MYLK: variants seen among roughly 807,000 people sequenced by gnomAD.
MYLK encodes the protein myosin light chain kinase.
A neutral mutation model predicts 203.4 loss-of-function variants in MYLK; 106 were observed. The observed-to-expected ratio is 0.52, with a 90% CI of 0.45 to 0.61. The LOEUF (loss-of-function observed/expected upper bound fraction) is 0.61, where lower values mean the gene tolerates loss of function less well. MYLK is among the 20% of genes least tolerant of loss of function. The probability of loss-of-function intolerance (pLI) is 0.00; values close to 1 mark genes in which losing one functional copy is unlikely to be tolerated. For synonymous variants in MYLK, 867 were observed against 959.5 expected (o/e 0.90, Z 1.78); for missense variants, 2,072 against 2,442.3 (o/e 0.85, Z 3.20).
chr3:123,753,877 G>A (rs755889), intron 4 of MYLK, among the ~76,000 whole-genome samples: 136,499 of 152,176 alleles, frequency 0.9, 62,950 homozygotes, highest in East Asian at 1. Context: ...TCACTTCAAG[G>A]AAAGAGAGAA....
chr3:123,767,820 G>C (rs2063754648), intron 4 of MYLK, among the ~76,000 whole-genome samples: 1 of 152,182 alleles, frequency 6.6e-6, no homozygotes, highest in Admixed American at 6.5e-5. Context: ...TCAGGGGAGT[G>C]GGCTGCTGAG....
At chr3:123,779,681 G>C (rs970943897) in intron 4 of MYLK, among the ~76,000 whole-genome samples, 41 of 152,246 alleles carry the variant, frequency 2.7e-4, no homozygotes, top group African/African-American at 9.2e-4. Flanking sequence ...AGAAGAACAA[G>C]TGAGTCTATT....
rs1337867262 is a variant in MYLK, at chr3:123,789,674, A to AG, written c.165+4002_165+4003insC. On this transcript the variant is annotated intron_variant, in intron 4 of 33. Coordinates refer to ENST00000360304, the MANE Select transcript of MYLK (RefSeq NM_053025.4). Reference sequence around the variant, plus strand: ...GCTGGCAAAGCAAAAAAAAAAAAAAAAAAAGAAGGAACGGAAGGGAAGAGA... The same window carrying AG: ...GCTGGCAAAGCAAAAAAAAAAAAAAAGAAAAGAAGGAACGGAAGGGAAGAGA... Among the ~76,000 whole-genome samples, 128 of 150,860 alleles carry AG rather than the reference A, an allele frequency of 8.5e-4. 2 individuals are homozygous for AG. The highest frequency in any genetic ancestry group is 2.9e-3 in the African/African-American group (122 of 41,392).
chr3:123,752,514 C>G lies in MYLK; in HGVS notation c.190G>C (p.Val64Leu). 2 of 1,613,828 alleles carry G rather than the reference C, an allele frequency of 1.2e-6. No homozygotes were observed. Among genetic ancestry groups the G allele is most frequent in the Non-Finnish European group, 1.7e-6 (2 of 1,179,992 alleles). Reference sequence around the variant, plus strand: ...GGTTGCCCGTTTCTGTGCCATGTCACCTGGGGCTCTGGGTAACCCCGGACC... The same window carrying G: ...GGTTGCCCGTTTCTGTGCCATGTCAGCTGGGGCTCTGGGTAACCCCGGACC... ...GRVRGYPEPQ[V>L]TWHRNGQPIT... The change falls in exon 5 of 34, where the codon GTG (valine) becomes CTG (leucine). Residue 64 changes from valine (V) to leucine (L), a missense_variant. Physicochemically the swap from Val to Leu is conservative, Grantham distance 32. Transcript: ENST00000360304.
intron 18 of MYLK, among the ~76,000 whole-genome samples, chr3:123,699,322 A>G (rs1317751754): frequency 3.9e-5 from 6 of 152,152 alleles, no homozygotes; most frequent in Admixed American, 1.3e-4. Flanking sequence ...AGATGGAAGG[A>G]TTTGGGGCCC....
At position 123,650,360 on chromosome 3, in the gene MYLK, CA is replaced by C. The variant is rs550301356; in HGVS notation, c.4289-1167del. 8.5e-5 allele frequency among the ~76,000 whole-genome samples: 13 copies of C among 152,068 alleles called. No homozygotes were observed. In the East Asian group the frequency reaches 2.5e-3, roughly 29 times the overall value. ...TGGGAGGTTTCCCAAGGAAGCAAAA[CA>C]AAGACAGGAGAGAAAGCATAGAGGG... On this transcript the variant is annotated intron_variant, in intron 24 of 33. Coordinates refer to ENST00000360304, the MANE Select transcript of MYLK (RefSeq NM_053025.4).
rs2058809007 is a variant in MYLK at position 123,640,844 on chromosome 3, A to T, written c.4620-340T>A. Among the ~76,000 whole-genome samples the T allele has an allele frequency of 2.0e-5, 3 of 152,282 alleles. No homozygotes were observed. The highest frequency in any genetic ancestry group is 2.1e-4 in the South Asian group (1 of 4,818). Reference sequence around the variant, plus strand: ...CTAAACAGTCTCTTTCCCTCAAATGACCACACATGCCTAAGGGAACATTCT... The same window carrying T: ...CTAAACAGTCTCTTTCCCTCAAATGTCCACACATGCCTAAGGGAACATTCT... On this transcript the variant is annotated intron_variant, in intron 27 of 33. Transcript: ENST00000360304. The surrounding 1 kb of genome is among the most constrained non-coding windows in gnomAD (Gnocchi z 4.3).
chr3:123,723,995 C>G (rs1206537490), intron 12 of MYLK, among the ~76,000 whole-genome samples: 1 of 152,140 alleles, frequency 6.6e-6, no homozygotes. Context: ...TAAAGTTTTA[C>G]TGCAACATAG....
chr3:123,764,187 C>T (rs1166198976), intron 4 of MYLK, among the ~76,000 whole-genome samples: 1 of 152,136 alleles, frequency 6.6e-6, no homozygotes, highest in Non-Finnish European at 1.5e-5. Context: ...GTTCTGTTTC[C>T]TGCAGTCTTC....
intron 13 of MYLK, among the ~76,000 whole-genome samples, chr3:123,718,018 C>A (rs143620807): frequency 6.6e-6 from 1 of 152,070 alleles, no homozygotes; most frequent in Non-Finnish European, 1.5e-5. Flanking sequence ...TGGGCCACCA[C>A]TCCCGGCTAA....
At chr3:123,757,935 GA>G (rs1009664852) in intron 4 of MYLK, among the ~76,000 whole-genome samples, 10 of 151,892 alleles carry the variant, frequency 6.6e-5, no homozygotes, top group Non-Finnish European at 1.5e-4. Flanking sequence ...ATTAAAAACT[GA>G]AAAATAGTAG....
chr3:123,614,651 A>T (rs554972234), intron 33 of MYLK, among the ~76,000 whole-genome samples: 10 of 152,266 alleles, frequency 6.6e-5, no homozygotes, highest in African/African-American at 2.4e-4. Context: ...TTTTAAAGTG[A>T]TGAGTCTCAC....
Position 123,739,957 on chromosome 3 carries a change from A to G in MYLK, c.418T>C (p.Leu140=). Residue 140 remains leucine (L), a synonymous_variant, in exon 6 of 34, where the codon TTA becomes CTA. Coordinates refer to ENST00000360304, the MANE Select transcript of MYLK (RefSeq NM_053025.4). ...TCTTGAACATCCAGGACTTACCCTAAGGTTTTGGAAACAACAGGCTGACCA... is the reference window on the plus strand; with the variant it reads ...TCTTGAACATCCAGGACTTACCCTAGGGTTTTGGAAACAACAGGCTGACCA... ...QLGQPVVSKT[L]GDRFSAPAVE... 1 of 1,614,012 alleles carries G rather than the reference A, an allele frequency of 6.2e-7. No individual in the cohort carries two copies. Among genetic ancestry groups the G allele is most frequent in the Non-Finnish European group, 8.5e-7 (1 of 1,179,860 alleles).
chr3:123,763,274 A>AT (rs1422869405), intron 4 of MYLK, among the ~76,000 whole-genome samples: 1 of 152,170 alleles, frequency 6.6e-6, no homozygotes. Context: ...AGTTGCTGTT[A>AT]TTTTTTTCTC....
At chr3:123,757,466 C>T (rs983791475) in intron 4 of MYLK, among the ~76,000 whole-genome samples, 3 of 152,252 alleles carry the variant, frequency 2.0e-5, no homozygotes, top group African/African-American at 7.2e-5. Context: ...GTGGCCCAAC[C>T]GCAGATAGGT....
chr3:123,617,872 C>T (rs1161390002), intron 33 of MYLK: 1 of 152,314 alleles, frequency 6.6e-6, no homozygotes, highest in Non-Finnish European at 1.5e-5. Flanking sequence ...CCCTTAAGGT[C>T]CCTTGAGCTC....
At chr3:123,811,444 G>A (rs79882098) in intron 3 of MYLK, among the ~76,000 whole-genome samples, 7,569 of 152,230 alleles carry the variant, frequency 0.05, 249 homozygotes, top group Non-Finnish European at 0.074. Flanking sequence ...GATTATCAAA[G>A]AGAAAAATAG....
At chr3:123,781,718 C>A (rs891693786) in intron 4 of MYLK, among the ~76,000 whole-genome samples, 3 of 152,014 alleles carry the variant, frequency 2.0e-5, no homozygotes, top group Non-Finnish European at 2.9e-5. Context: ...CAACTCTCAG[C>A]CTGATGTGTG....
intron 2 of MYLK, among the ~76,000 whole-genome samples, chr3:123,863,266 A>G (rs1220827204): frequency 6.6e-6 from 1 of 151,972 alleles, no homozygotes; most frequent in Non-Finnish European, 1.5e-5. Context: ...CTAAACATAA[A>G]AACTATAGTT....
Sources: gnomAD v4.1 joint callset for allele counts (sites outside exome capture counted in the v4.1 genomes callset) on GRCh38, gnomAD v4.1.1 for gene constraint, Gnocchi (gnomAD v3.1) non-coding constraint, MANE v1.5 for transcripts, NCBI Gene and HGNC (gene_info 2026-07-23, HGNC 2026-07-21) for gene names.